The following USH2A variants were observed in gnomAD, a reference collection of about 807,000 sequenced individuals.
USH2A encodes usherin, also known as Usher syndrome 2A (autosomal recessive, mild).
USH2A carries 443 observed loss-of-function variants against 538.9 expected under a neutral mutation model. The observed-to-expected ratio is 0.82, with a 90% CI of 0.76 to 0.89. The LOEUF (loss-of-function observed/expected upper bound fraction) is 0.89, where lower values mean the gene tolerates loss of function less well. Among genes scored for constraint, USH2A ranks in the 40% least tolerant of loss-of-function variants. The pLI is 0.00. For synonymous variants in USH2A, 2,413 were observed against 2,273.5 expected (o/e 1.06, Z -1.75); for missense variants, 6,633 against 6,324.8 (o/e 1.05, Z -1.65).
At chr1:216,394,831 G>A (rs1212330667) in intron 3 of USH2A, among the ~76,000 whole-genome samples, 9 of 148,442 alleles carry the variant, frequency 6.1e-5, no homozygotes, top group African/African-American at 9.9e-5. Context: ...CCATTCTCCT[G>A]CCTCAGCCTC....
intron 9 of USH2A, among the ~76,000 whole-genome samples, chr1:216,301,316 T>C (rs914654058): frequency 6.6e-6 from 1 of 152,284 alleles, no homozygotes; most frequent in African/African-American, 2.4e-5. Context: ...CCAGTGTCAA[T>C]GACCTTTGGA....
At chr1:215,759,985 A>C in intron 56 of USH2A, 142 bp from the exon 57 acceptor site, 1 of 857,166 alleles carries the variant, frequency 1.2e-6, no homozygotes, top group Non-Finnish European at 1.8e-6. Context: ...AAAATACATA[A>C]TTGGTGTAAA....
rs78306375 is a variant in USH2A, at chr1:215,898,983, C to T, written c.7594+1092G>A. 3.5e-3 allele frequency among the ~76,000 whole-genome samples: 527 copies of T among 152,100 alleles called. 4 individuals are homozygous for T. Among genetic ancestry groups the T allele is most frequent in the African/African-American group, 0.012 (506 of 41,492 alleles). ...CTAACTTTCTCCCAGGGAGTAATTA[C>T]GAATTGGAAGAAATGAATTAAGTAA... On this transcript the variant is annotated intron_variant, in intron 40 of 71. Transcript: ENST00000307340.
intron 11 of USH2A, among the ~76,000 whole-genome samples, chr1:216,264,058 AGTTCT>A: frequency 6.6e-6 from 1 of 152,260 alleles, no homozygotes; most frequent in East Asian, 1.9e-4. Context: ...AAAGGGTAAA[AGTTCT>A]GTACAAGGAA....
chr1:215,912,515 G>GTA (rs1279309340), intron 38 of USH2A, among the ~76,000 whole-genome samples: 228 of 20,282 alleles, frequency 0.011, 5 homozygotes, highest in South Asian at 0.028. Context: ...ATATATACGT[G>GTA]TATATATATA....
intron 3 of USH2A, among the ~76,000 whole-genome samples, chr1:216,411,491 A>G (rs2039488830): frequency 6.6e-6 from 1 of 152,136 alleles, no homozygotes; most frequent in South Asian, 2.1e-4. Flanking sequence ...TGTCCTTATA[A>G]GAAGAGAAGA....
intron 11 of USH2A, among the ~76,000 whole-genome samples, chr1:216,286,800 C>T (rs1267960689): frequency 6.6e-6 from 1 of 151,984 alleles, no homozygotes; most frequent in Non-Finnish European, 1.5e-5. Flanking sequence ...TTCTTCCCAG[C>T]AGTACAAAAA....
intron 32 of USH2A, among the ~76,000 whole-genome samples, chr1:216,045,052 A>G (rs2030453926): frequency 6.6e-6 from 1 of 152,164 alleles, no homozygotes; most frequent in African/African-American, 2.4e-5. Context: ...GAGCACCAAG[A>G]GAAGAGGGAC....
intron 35 of USH2A, among the ~76,000 whole-genome samples, chr1:215,982,052 G>T (rs1667764303): frequency 1.3e-5 from 2 of 152,106 alleles, no homozygotes; most frequent in Admixed American, 1.3e-4. Flanking sequence ...TCCTGTTCTG[G>T]GAACTATTTC....
At chr1:216,407,897 T>G (rs903214182) in intron 3 of USH2A, among the ~76,000 whole-genome samples, 4 of 151,732 alleles carry the variant, frequency 2.6e-5, no homozygotes, top group Admixed American at 2.6e-4. Context: ...AGAATTACCA[T>G]AGTGGCATTT....
rs41277202 is a variant in USH2A, at chr1:215,900,632, G to T, written c.7451+123C>A. The T allele has an allele frequency of 2.1e-3, 2,754 of 1,284,034 alleles. 8 individuals carry two copies. The highest frequency in any genetic ancestry group is 2.7e-3 in the Non-Finnish European group (2,420 of 910,492). 79.5% of individuals were successfully genotyped at this position (1,284,034 alleles called of 1,614,324 possible). On this transcript the variant is annotated intron_variant, in intron 39 of 71. Transcript: ENST00000307340. ...AATGATTATCCTCTAATTGTTTGGG[G>T]TTTTTTTGTACTTTTAAAAGGTAAC... is the stretch of plus-strand genomic sequence containing the variant.
At chr1:216,131,892 A>T (rs1558274903) in intron 21 of USH2A, among the ~76,000 whole-genome samples, 1 of 152,108 alleles carries the variant, frequency 6.6e-6, no homozygotes, top group Non-Finnish European at 1.5e-5. Flanking sequence ...CTTTATACAT[A>T]TTAATTTTCT....
intron 20 of USH2A, among the ~76,000 whole-genome samples, chr1:216,181,940 G>A (rs987528014): frequency 2.6e-5 from 4 of 152,098 alleles, no homozygotes; most frequent in South Asian, 4.1e-4. Context: ...TAGAATAGAA[G>A]TCTGGCTTCT....
At chr1:216,251,442 CTTTTTTTTTTTTT>C (rs779947689) in intron 11 of USH2A, among the ~76,000 whole-genome samples, 4 of 80,338 alleles carry the variant, frequency 5.0e-5, no homozygotes, top group South Asian at 5.8e-4. Context: ...ACCACTTCCC[CTTTTTTTTTTTTT>C]TTTTTTTTTT....
chr1:215,678,879 A>G (rs1048219970), intron 62 of USH2A, among the ~76,000 whole-genome samples: 2 of 152,226 alleles, frequency 1.3e-5, no homozygotes, highest in Non-Finnish European at 2.9e-5. Context: ...CAAGGAGTCA[A>G]TATTCTTATT....
At chr1:216,139,350 C>T (rs1203492110) in intron 21 of USH2A, among the ~76,000 whole-genome samples, 4 of 150,340 alleles carry the variant, frequency 2.7e-5, no homozygotes, top group African/African-American at 7.4e-5. Flanking sequence ...TTAAAAATCT[C>T]GAAGTTATAA....
At chr1:216,189,270 G>GA (rs1055263028) in intron 20 of USH2A, among the ~76,000 whole-genome samples, 22 of 151,184 alleles carry the variant, frequency 1.5e-4, no homozygotes, top group Admixed American at 5.3e-4. Flanking sequence ...TCCAGAACCA[G>GA]AAAAAAAACC....
chr1:215,888,950 T>C lies in USH2A; in HGVS notation c.7699A>G (p.Asn2567Asp). 6.2e-7 allele frequency: 1 copy of C among 1,614,174 alleles called. No individual in the cohort carries two copies. Among genetic ancestry groups the C allele is most frequent in the Non-Finnish European group, 8.5e-7 (1 of 1,180,020 alleles). Residue 2567 changes from asparagine to aspartate, a missense_variant, in exon 41 of 72, where the codon AAC becomes GAC. Coordinates refer to ENST00000307340, the MANE Select transcript of USH2A (RefSeq NM_206933.4). ...TATAGACGGCCATGTAGATAAATGTTATAATGGGTAATAACCCCATTGGAT... is the reference window on the plus strand; with the variant it reads ...TATAGACGGCCATGTAGATAAATGTCATAATGGGTAATAACCCCATTGGAT... Reference protein sequence around the residue: ...RKSNGVITHYNIYLHGRLYLR... With the variant: ...RKSNGVITHYDIYLHGRLYLR...
At chr1:216,034,839 A>C (rs541268459) in intron 32 of USH2A, among the ~76,000 whole-genome samples, 1 of 152,204 alleles carries the variant, frequency 6.6e-6, no homozygotes, top group East Asian at 1.9e-4. Flanking sequence ...TAGCCTCTCA[A>C]ACTTCAAGAG....
Sources: allele counts gnomAD v4.1 joint callset (sites outside exome capture counted in the v4.1 genomes callset), GRCh38; gene constraint gnomAD v4.1.1; transcripts MANE v1.5; gene names NCBI Gene and HGNC (gene_info 2026-07-23, HGNC 2026-07-21).